SMYD3: variants seen among roughly 807,000 people sequenced by gnomAD.
SMYD3 encodes the protein histone-lysine N-methyltransferase SMYD3.
SMYD3 carries 36 observed loss-of-function variants against 57.7 expected under a neutral mutation model. The observed-to-expected ratio is 0.62, with a 90% CI of 0.48 to 0.82. The LOEUF is 0.82. Ranked by LOEUF, SMYD3 falls within the 40% of genes least tolerant of loss-of-function variation. The probability of loss-of-function intolerance (pLI) is 0.00; values close to 1 mark genes in which losing one functional copy is unlikely to be tolerated. For missense variants in SMYD3, 515 were observed against 538.8 expected (o/e 0.96, Z 0.44); for synonymous variants, 211 against 195.0 (o/e 1.08, Z -0.68).
At chr1:245,872,527 G>C (rs775103654) in intron 8 of SMYD3, among the ~76,000 whole-genome samples, 1 of 152,132 alleles carries the variant, frequency 6.6e-6, no homozygotes, top group Non-Finnish European at 1.5e-5. Context: ...GGGCAGCCCC[G>C]TCACTCCCTT....
chr1:246,471,389 G>T (rs1442506813), intron 1 of SMYD3, among the ~76,000 whole-genome samples: 1 of 152,062 alleles, frequency 6.6e-6, no homozygotes, highest in South Asian at 2.1e-4. Flanking sequence ...TAGAGACAGG[G>T]TCTTGCCATG....
At chr1:245,943,676 C>T (rs924230365) in intron 5 of SMYD3, among the ~76,000 whole-genome samples, 4 of 151,946 alleles carry the variant, frequency 2.6e-5, no homozygotes, top group South Asian at 2.1e-4. Context: ...AGAGGTACAA[C>T]AAAAAAAGAA....
intron 5 of SMYD3, among the ~76,000 whole-genome samples, chr1:246,017,338 A>G (rs191097334): frequency 6.6e-6 from 1 of 152,330 alleles, no homozygotes. Context: ...AAAACCAGGA[A>G]GTTAACATTG....
intron 10 of SMYD3, among the ~76,000 whole-genome samples, chr1:245,857,736 C>G (rs973108059): frequency 3.9e-5 from 6 of 152,158 alleles, no homozygotes; most frequent in Admixed American, 6.5e-5. Flanking sequence ...TGCCCTTCCC[C>G]TTGGGCTGCT....
chr1:246,127,285 A>C (rs2061523724), intron 5 of SMYD3, among the ~76,000 whole-genome samples: 1 of 152,040 alleles, frequency 6.6e-6, no homozygotes. Flanking sequence ...CAAACCATAG[A>C]CTGCATAAAC....
chr1:245,930,153 C>T (rs2056627820), intron 5 of SMYD3: 8 of 529,412 alleles, frequency 1.5e-5, no homozygotes, highest in Non-Finnish European at 2.4e-5. Context: ...GAAATACCAA[C>T]CTCCTGGGAG....
chr1:246,448,327 C>T (rs1335691427), intron 1 of SMYD3, among the ~76,000 whole-genome samples: 1 of 152,208 alleles, frequency 6.6e-6, no homozygotes. Context: ...GATAAAACTG[C>T]TGTTCAATAA....
chr1:245,862,364 A>C (rs1006949680), intron 9 of SMYD3, among the ~76,000 whole-genome samples: 3 of 152,106 alleles, frequency 2.0e-5, no homozygotes, highest in Non-Finnish European at 4.4e-5. Context: ...TAAAGCCCTA[A>C]ATTTTTTTCA....
At chr1:246,216,220 G>A (rs2063160898) in intron 5 of SMYD3, among the ~76,000 whole-genome samples, 2 of 150,956 alleles carry the variant, frequency 1.3e-5, no homozygotes, top group African/African-American at 4.9e-5. Flanking sequence ...CCGGGAGGCA[G>A]AGGTTGCAGT....
chr1:245,869,295 T>A (rs1184266072), intron 8 of SMYD3, among the ~76,000 whole-genome samples: 1 of 152,190 alleles, frequency 6.6e-6, no homozygotes, highest in Non-Finnish European at 1.5e-5. Context: ...CTGACTTTCC[T>A]GGGAAATGAT....
intron 10 of SMYD3, among the ~76,000 whole-genome samples, chr1:245,838,131 G>A (rs1239565511): frequency 6.6e-6 from 1 of 152,244 alleles, no homozygotes; most frequent in Non-Finnish European, 1.5e-5. Flanking sequence ...AAAAGATGCA[G>A]TATTTCTTTT....
chr1:245,927,157 G>A lies in SMYD3; in HGVS notation c.702+774C>T, dbSNP rs377399365. Among the ~76,000 whole-genome samples the A allele has an allele frequency of 9.2e-5, 14 of 152,326 alleles. No individual in the cohort carries two copies. In the East Asian group the frequency reaches 2.3e-3, roughly 25 times the overall value. On this transcript the variant is annotated intron_variant, in intron 7 of 11. Transcript: ENST00000490107. The stretch of plus-strand genomic sequence containing the variant: ...AGCAAATTGGAAAGGAGAAGGAAAC[G>A]GGGTTCTGGAAAGTAGAAATATCTG...
At chr1:245,874,726 G>C (rs1405004991) in intron 8 of SMYD3, among the ~76,000 whole-genome samples, 1 of 152,190 alleles carries the variant, frequency 6.6e-6, no homozygotes, top group Non-Finnish European at 1.5e-5. Flanking sequence ...TTCTAGAATT[G>C]TATTTTGTAT....
intron 1 of SMYD3, among the ~76,000 whole-genome samples, chr1:246,436,900 CTT>C (rs61263648): frequency 5.8e-4 from 74 of 128,390 alleles, no homozygotes; most frequent in African/African-American, 1.7e-3. Context: ...GAGTTTCTTT[CTT>C]TTTTTTTTTT....
chr1:246,368,400 A>T (rs2066141959), intron 1 of SMYD3, among the ~76,000 whole-genome samples: 1 of 152,214 alleles, frequency 6.6e-6, no homozygotes, highest in Non-Finnish European at 1.5e-5. Flanking sequence ...GGATATAGAA[A>T]ACAAAAAAAT....
rs937945980 is a variant in SMYD3, at chr1:245,969,723, T to G, written c.532-39786A>C. On this transcript the variant is annotated intron_variant, in intron 5 of 11. Coordinates refer to ENST00000490107, the MANE Select transcript of SMYD3 (RefSeq NM_001167740.2). The stretch of plus-strand genomic sequence containing the variant: ...ACCAACAGCATTCCTTCGTGTTGTT[T>G]TGAAATTCAAACTACATTAGGAAAA... Among the ~76,000 whole-genome samples, 6 of 152,328 alleles carry G rather than the reference T, an allele frequency of 3.9e-5. No individual in the cohort carries two copies. In the Middle Eastern group the frequency reaches 0.014, roughly 345 times the overall value.
intron 5 of SMYD3, among the ~76,000 whole-genome samples, chr1:246,159,369 A>C (rs2062076896): frequency 6.6e-6 from 1 of 152,142 alleles, no homozygotes; most frequent in Admixed American, 6.5e-5. Context: ...CCAGTGATGA[A>C]GAATGGGGAA....
intron 1 of SMYD3, 56 bp downstream of exon 1, chr1:246,506,997 CT>C (rs10603677): frequency 0.18 from 52,794 of 301,246 alleles, 2,882 homozygotes; most frequent in Admixed American, 0.4. Context: ...ACGCCCCCCC[CT>C]CCCCAGCACC....
chr1:246,365,323 CAAAAAAA>C (rs74386969), intron 1 of SMYD3, among the ~76,000 whole-genome samples: 2 of 129,862 alleles, frequency 1.5e-5, no homozygotes, highest in African/African-American at 5.7e-5. Flanking sequence ...CTCATTTCTA[CAAAAAAA>C]AAAAAAATTA....
Sources: gnomAD v4.1 joint callset for allele counts (sites outside exome capture counted in the v4.1 genomes callset) on GRCh38, gnomAD v4.1.1 for gene constraint, MANE v1.5 for transcripts, NCBI Gene and HGNC (gene_info 2026-07-23, HGNC 2026-07-21) for gene names.